DUSP4: variants seen among roughly 807,000 people sequenced by gnomAD.
DUSP4 encodes dual specificity protein phosphatase 4.
A neutral mutation model predicts 27.2 loss-of-function variants in DUSP4; 12 were observed. The ratio of observed to expected loss-of-function variants is 0.44; its 90% CI spans 0.28 to 0.71. The LOEUF is 0.71. Ranked by LOEUF, DUSP4 falls within the 30% of genes least tolerant of loss-of-function variation. The pLI is 0.14. For missense variants in DUSP4, 448 were observed against 551.3 expected, an observed-to-expected ratio of 0.81 and a Z score of 1.88; for synonymous variants, 257 against 245.2, an observed-to-expected ratio of 1.05 and a Z score of -0.45.
chr8:29,350,158 T>G lies in DUSP4; in HGVS notation c.121A>C (p.Ser41Arg). Residue 41 changes from serine (S) to arginine (R), a missense_variant, in exon 1 of 4, where the codon AGC becomes CGC. By Grantham distance (110) the Ser-to-Arg change is moderately radical. This residue lies in a region of DUSP4 where 345 missense variants were observed against 394.0 expected (regional missense o/e 0.88). Coordinates refer to ENST00000240100, the MANE Select transcript of DUSP4 (RefSeq NM_001394.7). ...SGSHGTLGLP[S>R]GGKCLLLDCR... The stretch of plus-strand genomic sequence containing the variant: ...TCCAGCAGCAGGCACTTGCCGCCGC[T>G]CGGCAGCCCCAGGGTGCCGTGGCTG... The G allele has an allele frequency of 6.2e-7, 1 of 1,609,856 alleles. No homozygotes were observed. The highest frequency in any genetic ancestry group is 8.5e-7 in the Non-Finnish European group (1 of 1,179,360).
At chr8:29,342,322 G>A (rs755615250) in intron 1 of DUSP4, among the ~76,000 whole-genome samples, 1 of 152,156 alleles carries the variant, frequency 6.6e-6, no homozygotes, top group African/African-American at 2.4e-5. Context: ...TGAACCTCTC[G>A]GAGCCTCCTC....
intron 1 of DUSP4, among the ~76,000 whole-genome samples, 189 bp downstream of exon 1, chr8:29,349,657 G>A (rs1162676080): frequency 6.6e-6 from 1 of 152,220 alleles, no homozygotes; most frequent in East Asian, 1.9e-4. Flanking sequence ...CACTTTCCCT[G>A]AGGACTTGAA....
chr8:29,345,316 G>A (rs900100164), intron 1 of DUSP4: 3 of 1,594,446 alleles, frequency 1.9e-6, no homozygotes. Context: ...GACTTAGTAA[G>A]CACCTATGTA....
chr8:29,349,466 C>T (rs1226308659), intron 1 of DUSP4, among the ~76,000 whole-genome samples: 3 of 152,250 alleles, frequency 2.0e-5, no homozygotes, highest in Non-Finnish European at 4.4e-5. Context: ...GGCCCCAGCA[C>T]GCCAAACCAA....
rs1817600733 is a variant in DUSP4 at position 29,337,793 on chromosome 8, A to C, written c.800-382T>G. Among the ~76,000 whole-genome samples the C allele has an allele frequency of 6.6e-6, 1 of 151,986 alleles. No individual in the cohort carries two copies. Among genetic ancestry groups the C allele is most frequent in the African/African-American group, 2.4e-5 (1 of 41,376 alleles). ...CAATATGATGAAACTGTCTCTACAA[A>C]AATACAAAAATTAGCTGGGCGTGGT... On this transcript the variant is annotated intron_variant, in intron 3 of 3. Coordinates refer to ENST00000240100, the MANE Select transcript of DUSP4 (RefSeq NM_001394.7). The surrounding 1 kb of genome is among the most constrained non-coding windows in gnomAD (Gnocchi z 6.4).
intron 2 of DUSP4, among the ~76,000 whole-genome samples, chr8:29,339,508 T>C (rs1817624804): frequency 6.6e-6 from 1 of 152,190 alleles, no homozygotes; most frequent in Non-Finnish European, 1.5e-5. Context: ...CCCCAGGGCT[T>C]CTGGAGGCCT....
intron 1 of DUSP4, among the ~76,000 whole-genome samples, chr8:29,346,540 GTGTAT>G (rs1228197905): frequency 2.6e-5 from 4 of 152,196 alleles, no homozygotes; most frequent in African/African-American, 9.7e-5. Flanking sequence ...ATTTCAAGAA[GTGTAT>G]TGTGATAAAA....
chr8:29,349,736 C>T (rs1817792726), intron 1 of DUSP4, 110 bp downstream of exon 1: 2 of 1,361,246 alleles, frequency 1.5e-6, no homozygotes, highest in South Asian at 1.7e-5. Flanking sequence ...CGCGGGGATC[C>T]CCGCAACCAC....
rs41277861 is a variant in DUSP4 at position 29,340,104 on chromosome 8, G to T, written c.573C>A (p.His191Gln). Residue 191 changes from histidine (H) to glutamine (Q), a missense_variant, in exon 2 of 4, where the codon CAC (histidine) becomes CAA (glutamine). Coordinates refer to ENST00000240100, the MANE Select transcript of DUSP4 (RefSeq NM_001394.7). ...LGCSSCGTPLHDQGGPVEILP... is the reference protein window; with the variant it reads ...LGCSSCGTPLQDQGGPVEILP... ...CCCTGCCCCCCGAGTCTACCTGGTCGTGTAGTGGGGTCCCACAGGAGCTGC... is the reference window on the plus strand; with the variant it reads ...CCCTGCCCCCCGAGTCTACCTGGTCTTGTAGTGGGGTCCCACAGGAGCTGC... 1 of 1,571,304 alleles carries T rather than the reference G, an allele frequency of 6.4e-7. No individual in the cohort carries two copies.
Position 29,350,349 on chromosome 8 carries a change from A to C in DUSP4, c.-71T>G. 1 of 1,491,190 alleles carries C rather than the reference A, an allele frequency of 6.7e-7. No individual in the cohort carries two copies. The highest frequency in any genetic ancestry group is 8.9e-7 in the Non-Finnish European group (1 of 1,125,594). The allele number at this position is 1,491,190 out of a possible 1,614,324, so 92.4% of individuals were successfully genotyped here. A position where few individuals can be genotyped will look rare whatever the true frequency, so the allele number is the denominator to read the frequency against. On this transcript the variant is annotated 5_prime_UTR_variant, in exon 1 of 4. Coordinates refer to ENST00000240100, the MANE Select transcript of DUSP4 (RefSeq NM_001394.7). ...AACCCGGGCCGCCTAGGCTGCAGAA[A>C]GGGGCGGGCGAGAGCTAAGAAGGGA...
At chr8:29,348,692 C>G in intron 1 of DUSP4, 1 of 985,394 alleles carries the variant, frequency 1.0e-6, no homozygotes, top group Non-Finnish European at 1.2e-6. Flanking sequence ...CTCCCTTCCT[C>G]CCGGGTGGAC....
At chr8:29,342,958 G>A (rs907405763) in intron 1 of DUSP4, among the ~76,000 whole-genome samples, 3 of 152,124 alleles carry the variant, frequency 2.0e-5, no homozygotes, top group Non-Finnish European at 2.9e-5. Context: ...ACGAGGTCAG[G>A]AGATCGAGAC....
Position 29,340,240 on chromosome 8 carries a change from C to T in DUSP4, c.437G>A (p.Gly146Asp), listed in dbSNP as rs1439893379. ...ERTDICLLKG[G>D]YERFSSEYPE... ...GTACTCGGAGGAAAACCTCTCATAG[C>T]CGCCTGTAAAGGAGAAAGAAGCTCA... Residue 146 changes from glycine to aspartate, a missense_variant, in exon 2 of 4, where the codon GGC becomes GAC. Transcript: ENST00000240100. 6.2e-7 allele frequency: 1 copy of T among 1,608,988 alleles called. No homozygotes were observed. The highest frequency in any genetic ancestry group is 8.5e-7 in the Non-Finnish European group (1 of 1,177,676).
At position 29,349,875 on chromosome 8, in the gene DUSP4, G is replaced by A. The variant is rs1229264590; in HGVS notation, c.404C>T (p.Ala135Val). 6.6e-7 allele frequency: 1 copy of A among 1,515,552 alleles called. No individual in the cohort carries two copies. The highest frequency in any genetic ancestry group is 2.0e-5 in the Admixed American group (1 of 49,312). 93.9% of individuals were successfully genotyped at this position (1,515,552 alleles called of 1,614,324 possible). ...SLVVQALRRN[A>V]ERTDICLLKG... ...GAGCAGGCAGATGTCGGTGCGCTCGGCGTTGCGGCGCAGCGCCTGCACCAC... is the reference window on the plus strand; with the variant it reads ...GAGCAGGCAGATGTCGGTGCGCTCGACGTTGCGGCGCAGCGCCTGCACCAC... Residue 135 changes from alanine (A) to valine (V), a missense_variant, in exon 1 of 4, where the codon GCC becomes GTC. Transcript: ENST00000240100.
chr8:29,339,775 AG>A (rs1163784272), intron 2 of DUSP4, among the ~76,000 whole-genome samples: 3 of 151,464 alleles, frequency 2.0e-5, no homozygotes, highest in Non-Finnish European at 4.4e-5. Flanking sequence ...AGGCCAAAGC[AG>A]GAGGATCACT....
rs76465502 is a variant in DUSP4, at chr8:29,345,280, T to C, written c.433+4566A>G. The C allele has an allele frequency of 2.0e-3, 3,043 of 1,498,464 alleles. 54 individuals are homozygous for C. In the African/African-American group the frequency reaches 0.037, roughly 18 times the overall value. 92.8% of individuals were successfully genotyped at this position (1,498,464 alleles called of 1,614,324 possible). On this transcript the variant is annotated intron_variant, in intron 1 of 3. Transcript: ENST00000240100. ...GGGTTGTTTGAAGGCCATTTGCCTTTGGGAACTCTACTTTATGTGACTGTT... is the reference window on the plus strand; with the variant it reads ...GGGTTGTTTGAAGGCCATTTGCCTTCGGGAACTCTACTTTATGTGACTGTT...
intron 1 of DUSP4, among the ~76,000 whole-genome samples, chr8:29,341,645 G>A (rs1236889868): frequency 6.6e-6 from 1 of 152,146 alleles, no homozygotes; most frequent in Non-Finnish European, 1.5e-5. Flanking sequence ...CGTCAGCCTC[G>A]GTCATGCTGG....
At chr8:29,345,753 A>T in intron 1 of DUSP4, 1 of 1,312,516 alleles carries the variant, frequency 7.6e-7, no homozygotes, top group East Asian at 3.3e-5. Context: ...AAAGGGTCAA[A>T]TTTCACTCTC....
chr8:29,348,458 A>C (rs200566058), intron 1 of DUSP4: 2 of 867,736 alleles, frequency 2.3e-6, no homozygotes, highest in Admixed American at 2.7e-4. Context: ...GGAGGAGCAA[A>C]AGACAGCCCT....
Sources: allele counts gnomAD v4.1 joint callset (sites outside exome capture counted in the v4.1 genomes callset), GRCh38; gene constraint gnomAD v4.1.1; regional missense constraint gnomAD v4.1.1; non-coding constraint Gnocchi (gnomAD v3.1); transcripts MANE v1.5; gene names NCBI Gene and HGNC (gene_info 2026-07-23, HGNC 2026-07-21).